Variants in PDZD2 observed in about 807,000 individuals in gnomAD.
PDZD2 encodes the protein PDZ domain containing 2, also known as PDZ domain-containing protein 2.
In PDZD2, 90 loss-of-function variants were observed where a neutral mutation model predicts 220.7. The ratio of observed to expected loss-of-function variants is 0.41; its 90% CI spans 0.34 to 0.49. The LOEUF is 0.49. Among genes scored for constraint, PDZD2 ranks in the 20% least tolerant of loss-of-function variants. The probability of loss-of-function intolerance (pLI) is 0.28; values close to 1 mark genes in which losing one functional copy is unlikely to be tolerated. For missense variants in PDZD2, 3,174 were observed against 3,608.5 expected (o/e 0.88, Z 3.08); for synonymous variants, 1,375 against 1,450.5 (o/e 0.95, Z 1.18).
rs376617528 is a variant in PDZD2, at chr5:32,052,746, C to T, written c.1785+16C>T. The T allele has an allele frequency of 2.5e-5, 41 of 1,611,604 alleles. No homozygotes were observed. The African/African-American group carries it at 4.7e-4, about 18-fold the overall frequency. ...AAAAGGCAAGGTGAGCTCTTTTCTG[C>T]AGACTGTTCTGCCTTCTGGGTGAAT... On this transcript the variant is annotated intron_variant, in intron 9 of 24. Transcript: ENST00000438447.
chr5:31,896,323 C>CTGTGT (rs1491369870), intron 2 of PDZD2, among the ~76,000 whole-genome samples: 1 of 136,358 alleles, frequency 7.3e-6, no homozygotes, highest in African/African-American at 2.7e-5. Flanking sequence ...TTGATACTCT[C>CTGTGT]GTGTGTGTGT....
At chr5:31,864,917 C>T (rs576447205) in intron 2 of PDZD2, among the ~76,000 whole-genome samples, 48 of 135,272 alleles carry the variant, frequency 3.5e-4, no homozygotes, top group Admixed American at 1.7e-3. Context: ...GGCGTAATCT[C>T]GGCTCACTTC....
intron 1 of PDZD2, among the ~76,000 whole-genome samples, chr5:31,676,377 A>G (rs1256805664): frequency 6.6e-6 from 1 of 152,176 alleles, no homozygotes; most frequent in Non-Finnish European, 1.5e-5. Context: ...CGAAGGCCTC[A>G]GAGGTCAGAA....
At chr5:31,924,018 C>T (rs1182116951) in intron 2 of PDZD2, among the ~76,000 whole-genome samples, 1 of 152,184 alleles carries the variant, frequency 6.6e-6, no homozygotes, top group Non-Finnish European at 1.5e-5. Context: ...AGCCACATCG[C>T]CTTGAGTTTC....
intron 2 of PDZD2, among the ~76,000 whole-genome samples, chr5:31,818,565 C>T (rs532391875): frequency 6.6e-6 from 1 of 152,208 alleles, no homozygotes; most frequent in South Asian, 2.1e-4. Context: ...TGGCCAGCTA[C>T]CCTACCAGGC....
Position 31,672,156 on chromosome 5 carries a change from G to A in PDZD2, c.-361+32719G>A, listed in dbSNP as rs183089534. 4.6e-5 allele frequency among the ~76,000 whole-genome samples: 7 copies of A among 152,260 alleles called. No individual in the cohort carries two copies. In the East Asian group the frequency reaches 9.6e-4, roughly 21 times the overall value. On this transcript the variant is annotated intron_variant, in intron 1 of 24. Coordinates refer to ENST00000438447, the MANE Select transcript of PDZD2 (RefSeq NM_178140.4). ...CTAGGAGGCAAAATCACTCCACCTC[G>A]AGAACGACTGTCCTAGATGTTCTGG...
At chr5:31,935,934 G>C (rs1244995372) in intron 2 of PDZD2, among the ~76,000 whole-genome samples, 2 of 152,202 alleles carry the variant, frequency 1.3e-5, no homozygotes, top group Non-Finnish European at 2.9e-5. Context: ...TGTCTGCTGG[G>C]ATATGATTTC....
Position 31,843,043 on chromosome 5 carries a change from G to T in PDZD2, c.476+43319G>T, listed in dbSNP as rs960607951. ...ATTACAGGCATGCACCACCACACCC[G>T]GCTAATTTTGTATTTTTAGTAGAAA... is the stretch of plus-strand genomic sequence containing the variant. On this transcript the variant is annotated intron_variant, in intron 2 of 24. Coordinates refer to ENST00000438447, the MANE Select transcript of PDZD2 (RefSeq NM_178140.4). Among the ~76,000 whole-genome samples, 461 of 151,926 alleles carry T rather than the reference G, an allele frequency of 3.0e-3. 3 individuals are homozygous for T. Among genetic ancestry groups the T allele is most frequent in the African/African-American group, 0.01 (423 of 41,444 alleles).
chr5:32,088,157 G>C lies in PDZD2; in HGVS notation c.4709G>C (p.Arg1570Pro). ...SDPESLTEAPRASARDGWSPP... is the reference protein window; with the variant it reads ...SDPESLTEAPPASARDGWSPP... ...CCTGAGTCACTCACTGAAGCCCCAC[G>C]AGCTTCTGCCAGGGACGGCTGGTCC... Residue 1570 changes from arginine to proline, a missense_variant, in exon 20 of 25, where the codon CGA becomes CCA. By Grantham distance (103) the Arg-to-Pro change is moderately radical (BLOSUM62 -2). This residue lies in a region of PDZD2 where 1,861 missense variants were observed against 2,001.0 expected (regional missense o/e 0.93). Transcript: ENST00000438447. This position sits in a 1 kb window ranked among gnomAD's most constrained non-coding sequence, Gnocchi z 4.6. 6.2e-7 allele frequency: 1 copy of C among 1,614,148 alleles called. No homozygotes were observed. Among genetic ancestry groups the C allele is most frequent in the Non-Finnish European group, 8.5e-7 (1 of 1,180,018 alleles).
intron 2 of PDZD2, among the ~76,000 whole-genome samples, chr5:31,896,468 A>G (rs1241902489): frequency 6.6e-6 from 1 of 151,848 alleles, no homozygotes; most frequent in African/African-American, 2.4e-5. Context: ...GACTTTACCC[A>G]GCTCCTTTCC....
intron 2 of PDZD2, among the ~76,000 whole-genome samples, chr5:31,881,326 A>ATGTG (rs67969355): frequency 0.025 from 3,130 of 123,148 alleles, 41 homozygotes; most frequent in Non-Finnish European, 0.029. Flanking sequence ...TTCCATATAT[A>ATGTG]TGTGTGTGTG....
Position 31,746,831 on chromosome 5 carries a change from C to T in PDZD2, c.-360-52058C>T, listed in dbSNP as rs571056925. ...AGGTTCGTGGCAGGAGTCCCTGTAA[C>T]GAAAGACAGGTTAACAAGAGAAAAG... On this transcript the variant is annotated intron_variant, in intron 1 of 24. Transcript: ENST00000438447. 5.9e-5 allele frequency among the ~76,000 whole-genome samples: 9 copies of T among 152,258 alleles called. 1 individual carries two copies. The highest frequency in any genetic ancestry group is 1.9e-4 in the African/African-American group (8 of 41,538).
intron 2 of PDZD2, among the ~76,000 whole-genome samples, chr5:31,860,661 C>A (rs923182093): frequency 6.6e-6 from 1 of 152,168 alleles, no homozygotes; most frequent in Non-Finnish European, 1.5e-5. Flanking sequence ...TTCATCTCAG[C>A]AGTAGTCATT....
intron 1 of PDZD2, among the ~76,000 whole-genome samples, chr5:31,768,670 G>A (rs987410681): frequency 2.0e-5 from 3 of 150,284 alleles, no homozygotes; most frequent in Admixed American, 6.6e-5. Context: ...TGAGACACAA[G>A]ATCAGGACTT....
chr5:31,958,687 C>T (rs529042322), intron 2 of PDZD2, among the ~76,000 whole-genome samples: 1 of 152,274 alleles, frequency 6.6e-6, no homozygotes, highest in South Asian at 2.1e-4. Context: ...GTGGTGCAAT[C>T]ACAGCTCACT....
At chr5:31,759,486 G>A (rs1751501164) in intron 1 of PDZD2, among the ~76,000 whole-genome samples, 1 of 151,846 alleles carries the variant, frequency 6.6e-6, no homozygotes, top group Non-Finnish European at 1.5e-5. Context: ...AATGGTTTGG[G>A]AAAACACAGA....
intron 2 of PDZD2, among the ~76,000 whole-genome samples, chr5:31,972,334 G>A (rs1749376858): frequency 1.3e-5 from 2 of 152,048 alleles, no homozygotes; most frequent in African/African-American, 2.4e-5. Context: ...GGCTGATCTT[G>A]AACTCCTGAG....
At chr5:31,670,461 G>A (rs1326051246) in intron 1 of PDZD2, among the ~76,000 whole-genome samples, 2 of 152,110 alleles carry the variant, frequency 1.3e-5, no homozygotes, top group African/African-American at 2.4e-5. Context: ...CTGTCGCCCA[G>A]GCTGGAGTGC....
At chr5:31,739,237 T>C (rs939224971) in intron 1 of PDZD2, among the ~76,000 whole-genome samples, 2 of 152,230 alleles carry the variant, frequency 1.3e-5, no homozygotes, top group African/African-American at 4.8e-5. Context: ...GGAAGGCATG[T>C]GTGCAATATG....
Sources: allele counts gnomAD v4.1 joint callset (sites outside exome capture counted in the v4.1 genomes callset), GRCh38; gene constraint gnomAD v4.1.1; regional missense constraint gnomAD v4.1.1; non-coding constraint Gnocchi (gnomAD v3.1); transcripts MANE v1.5; gene names NCBI Gene and HGNC (gene_info 2026-07-23, HGNC 2026-07-21).